RFWD3: variants seen among roughly 807,000 people sequenced by gnomAD.
RFWD3 encodes the protein ring finger and WD repeat domain 3.
In RFWD3, 65 loss-of-function variants were observed where a neutral mutation model predicts 87.7. The ratio of observed to expected loss-of-function variants is 0.74; its 90% CI spans 0.61 to 0.91. RFWD3 has a LOEUF of 0.91. Ranked by LOEUF, RFWD3 falls within the 40% of genes least tolerant of loss-of-function variation. RFWD3 has a pLI of 0.00. For synonymous variants in RFWD3, 433 were observed against 352.8 expected (o/e 1.23, Z -2.55); for missense variants, 1,078 against 938.5 (o/e 1.15, Z -1.94).
At chr16:74,649,228 A>T in intron 3 of RFWD3, 26 bp from the exon 4 acceptor site, 2 of 1,509,704 alleles carry the variant, frequency 1.3e-6, no homozygotes, top group Non-Finnish European at 1.8e-6. Context: ...CAGAAATGAC[A>T]GGAGAGGTAA....
At chr16:74,649,315 T>A in intron 3 of RFWD3, 113 bp from the exon 4 acceptor site, 1 of 665,650 alleles carries the variant, frequency 1.5e-6, no homozygotes, top group Non-Finnish European at 2.5e-6. Flanking sequence ...CATTTCTAAC[T>A]GACAGTGTTC....
chr16:74,663,338 G>A (rs879543944), intron 1 of RFWD3, among the ~76,000 whole-genome samples: 1 of 152,300 alleles, frequency 6.6e-6, no homozygotes, highest in South Asian at 2.1e-4. Context: ...AGTTAAGGAA[G>A]ATTATAAAGT....
intron 11 of RFWD3, among the ~76,000 whole-genome samples, 176 bp from the exon 12 acceptor site, chr16:74,626,730 A>G (rs1362057282): frequency 6.6e-6 from 1 of 152,228 alleles, no homozygotes; most frequent in Admixed American, 6.5e-5. Flanking sequence ...AATGAAATTT[A>G]GAACCGTAGG....
At chr16:74,653,582 G>T (rs1960735225) in intron 2 of RFWD3, among the ~76,000 whole-genome samples, 1 of 152,150 alleles carries the variant, frequency 6.6e-6, no homozygotes, top group Admixed American at 6.5e-5. Context: ...GAAAGCCAAG[G>T]CAGGAGGATT....
Position 74,644,421 on chromosome 16 carries a change from G to T in RFWD3, c.1020C>A (p.Val340=). ...CTCTCAGGGTTCGGGCATAAAGGAC[G>T]ACAATGTCACTGTGCCTGGCTTTCT... ...CNKKARHSDI[V]VLYARTLRAL... is the part of the protein sequence containing the mutation. Residue 340 remains valine, a synonymous_variant, in exon 6 of 13, where the codon GTC becomes GTA. Transcript: ENST00000361070. 1 of 1,614,186 alleles carries T rather than the reference G, an allele frequency of 6.2e-7. No homozygotes were observed. The highest frequency in any genetic ancestry group is 8.5e-7 in the Non-Finnish European group (1 of 1,180,030).
chr16:74,641,611 CAT>C (rs1309237452), intron 6 of RFWD3, among the ~76,000 whole-genome samples: 1 of 151,980 alleles, frequency 6.6e-6, no homozygotes, highest in African/African-American at 2.4e-5. Context: ...TATAATCTAA[CAT>C]AACATTTGCA....
intron 2 of RFWD3, among the ~76,000 whole-genome samples, chr16:74,658,412 T>C (rs891898090): frequency 2.0e-5 from 3 of 152,222 alleles, no homozygotes; most frequent in Non-Finnish European, 4.4e-5. Context: ...TTTCCATAGC[T>C]TTGGCTTCTT....
At chr16:74,650,966 A>T (rs954325133) in intron 3 of RFWD3, among the ~76,000 whole-genome samples, 5 of 148,884 alleles carry the variant, frequency 3.4e-5, no homozygotes, top group South Asian at 2.2e-4. Context: ...GGAAGGCAAA[A>T]TATTAATATA....
At chr16:74,627,223 C>T (rs1958964566) in intron 11 of RFWD3, among the ~76,000 whole-genome samples, 3 of 152,222 alleles carry the variant, frequency 2.0e-5, no homozygotes, top group Admixed American at 2.0e-4. Context: ...TAATGACTAA[C>T]TCTGACTATA....
chr16:74,635,497 A>T (rs1013441011), intron 8 of RFWD3, among the ~76,000 whole-genome samples: 1 of 151,904 alleles, frequency 6.6e-6, no homozygotes, highest in African/African-American at 2.4e-5. Flanking sequence ...ACAAGGTAAC[A>T]GAAATACACA....
At chr16:74,637,834 G>A (rs1255310058) in intron 7 of RFWD3, 22 bp downstream of exon 7, 1 of 1,562,144 alleles carries the variant, frequency 6.4e-7, no homozygotes, top group African/African-American at 1.4e-5. Flanking sequence ...AAAGTTCTTT[G>A]GATTAGAAAG....
At chr16:74,645,745 C>CTTTTTTTTTTTTTTTTTTTTTTTTTT (rs71376293) in intron 4 of RFWD3, among the ~76,000 whole-genome samples, 1 of 74,212 alleles carries the variant, frequency 1.3e-5, no homozygotes, top group Non-Finnish European at 2.3e-5. Flanking sequence ...CAAATATTTT[C>CTTTTTTTTTTTTTTTTTTTTTTTTTT]TTTTTTTTTT....
At chr16:74,640,799 C>T (rs751239938) in intron 6 of RFWD3, among the ~76,000 whole-genome samples, 8 of 151,664 alleles carry the variant, frequency 5.3e-5, no homozygotes, top group East Asian at 2.0e-4. Flanking sequence ...ATTAGCCAGG[C>T]GTGGTGGCGG....
At chr16:74,641,433 G>GA (rs1959634990) in intron 6 of RFWD3, among the ~76,000 whole-genome samples, 1 of 150,222 alleles carries the variant, frequency 6.7e-6, no homozygotes, top group Admixed American at 6.7e-5. Context: ...AAAGTGCTGG[G>GA]ATTATAGGTG....
intron 6 of RFWD3, among the ~76,000 whole-genome samples, chr16:74,638,234 G>A (rs1959317744): frequency 1.3e-5 from 2 of 152,136 alleles, no homozygotes; most frequent in Admixed American, 6.6e-5. Context: ...CTAATCTAGT[G>A]TTCAGCTACG....
At chr16:74,665,620 G>A (rs1057197304) in intron 1 of RFWD3, among the ~76,000 whole-genome samples, 2 of 152,162 alleles carry the variant, frequency 1.3e-5, no homozygotes, top group Admixed American at 6.5e-5. Flanking sequence ...TGAGCCGGGC[G>A]TGGTGGCGCG....
At chr16:74,643,633 T>A (rs932064168) in intron 6 of RFWD3, among the ~76,000 whole-genome samples, 2 of 151,990 alleles carry the variant, frequency 1.3e-5, no homozygotes, top group Admixed American at 6.6e-5. Context: ...TCTTTAATAT[T>A]TTTGAAGCAT....
intron 4 of RFWD3, among the ~76,000 whole-genome samples, chr16:74,648,590 G>A (rs925765574): frequency 1.3e-5 from 2 of 151,078 alleles, no homozygotes; most frequent in Non-Finnish European, 3.0e-5. Flanking sequence ...GGCCAGTATG[G>A]TGAAACCCCG....
chr16:74,628,422 T>A (rs766912077), intron 11 of RFWD3, 30 bp downstream of exon 11: 1 of 1,595,856 alleles, frequency 6.3e-7, no homozygotes, highest in South Asian at 1.1e-5. Context: ...TGCTCCCAAA[T>A]AAGCTATGGG....
Sources: gnomAD v4.1 joint callset for allele counts (sites outside exome capture counted in the v4.1 genomes callset) on GRCh38, gnomAD v4.1.1 for gene constraint, MANE v1.5 for transcripts, NCBI Gene and HGNC (gene_info 2026-07-23, HGNC 2026-07-21) for gene names.